The following SHTN1 variants were observed in gnomAD, a reference collection of about 807,000 sequenced individuals.
SHTN1 encodes shootin-1.
Under a neutral mutation model 83.1 loss-of-function variants are expected in SHTN1, and 42 were observed. The observed-to-expected ratio is 0.51, with a 90% CI of 0.39 to 0.65. The LOEUF is 0.65. Among genes scored for constraint, SHTN1 ranks in the 30% least tolerant of loss-of-function variants. The probability of loss-of-function intolerance (pLI) is 0.00; values close to 1 mark genes in which losing one functional copy is unlikely to be tolerated. For missense variants in SHTN1, 622 were observed against 737.8 expected (o/e 0.84, Z 1.82); for synonymous variants, 224 against 247.7 (o/e 0.90, Z 0.90).
At chr10:117,060,563 CAG>C (rs1852884324) in intron 1 of SHTN1, among the ~76,000 whole-genome samples, 1 of 152,128 alleles carries the variant, frequency 6.6e-6, no homozygotes. Context: ...AATTAATAAA[CAG>C]AGCAACTAAA....
chr10:117,098,396 CAAA>C (rs11321262), intron 1 of SHTN1, among the ~76,000 whole-genome samples: 113 of 61,038 alleles, frequency 1.9e-3, no homozygotes, highest in Middle Eastern at 9.1e-3. Flanking sequence ...CACTCCGTCT[CAAA>C]AAAAAAAAAA....
intron 2 of SHTN1, among the ~76,000 whole-genome samples, chr10:116,978,934 T>C (rs1462200351): frequency 1.3e-5 from 2 of 152,228 alleles, no homozygotes; most frequent in Non-Finnish European, 2.9e-5. Context: ...TCAATTCCAC[T>C]GACAGAATCC....
intron 1 of SHTN1, among the ~76,000 whole-genome samples, chr10:117,000,745 T>C (rs940094858): frequency 1.3e-5 from 2 of 152,182 alleles, no homozygotes; most frequent in African/African-American, 4.8e-5. Context: ...TTGCAGGGGC[T>C]GCCAATTAAA....
At chr10:117,061,804 T>C (rs1852908130) in intron 1 of SHTN1, among the ~76,000 whole-genome samples, 2 of 152,268 alleles carry the variant, frequency 1.3e-5, no homozygotes, top group East Asian at 3.9e-4. Context: ...TCACTCCACT[T>C]AGGCTTCTGC....
At chr10:116,901,292 T>C (rs192248751) in intron 16 of SHTN1, 220 of 985,284 alleles carry the variant, frequency 2.2e-4, no homozygotes, top group African/African-American at 8.5e-4. Context: ...ACTCTTTACA[T>C]AGTATGTTTT....
At chr10:116,920,431 C>T (rs1337398616) in intron 12 of SHTN1, among the ~76,000 whole-genome samples, 1 of 152,124 alleles carries the variant, frequency 6.6e-6, no homozygotes, top group Non-Finnish European at 1.5e-5. Flanking sequence ...CTCCAATGAA[C>T]CAGAGTCCTG....
At position 116,983,284 on chromosome 10, in the gene SHTN1, T is replaced by C. The variant is rs549486591; in HGVS notation, c.59-3976A>G. 5.3e-5 allele frequency among the ~76,000 whole-genome samples: 8 copies of C among 152,278 alleles called. No individual in the cohort carries two copies. In the East Asian group the frequency reaches 1.4e-3, roughly 26 times the overall value. ...ACATATAAAAGAGTATTTGGGCTTA[T>C]TAACTGTTTAAAACATGTTAGCTAT... is the stretch of plus-strand genomic sequence containing the variant. On this transcript the variant is annotated intron_variant, in intron 1 of 16. Transcript: ENST00000355371.
intron 16 of SHTN1, among the ~76,000 whole-genome samples, chr10:116,893,576 G>GCACACACACACACACACACACACACACA (rs6144113): frequency 0.057 from 7,002 of 123,436 alleles, 418 homozygotes; most frequent in Middle Eastern, 0.091. Context: ...GCACTCATGT[G>GCACACACACACACACACACACACACACA]CACACACACA....
chr10:116,945,630 C>A (rs1160843112), intron 7 of SHTN1, among the ~76,000 whole-genome samples: 1 of 152,124 alleles, frequency 6.6e-6, no homozygotes, highest in Non-Finnish European at 1.5e-5. Context: ...ACACTTCTTA[C>A]ACCCATCCAA....
intron 16 of SHTN1, among the ~76,000 whole-genome samples, chr10:116,891,041 ACGTG>A (rs1378823466): frequency 6.6e-6 from 1 of 152,214 alleles, no homozygotes; most frequent in East Asian, 1.9e-4. Flanking sequence ...GCCCTAATAG[ACGTG>A]GTTCTGAGCT....
At chr10:116,938,324 G>A (rs1391217573) in intron 9 of SHTN1, among the ~76,000 whole-genome samples, 1 of 152,176 alleles carries the variant, frequency 6.6e-6, no homozygotes, top group Non-Finnish European at 1.5e-5. Flanking sequence ...GGTCTTTGAT[G>A]TTGGTAACCT....
In SHTN1 at chr10:117,094,854, T is replaced by C. The variant is rs1853483304; in HGVS notation, c.-189+31453A>G. On this transcript the variant is annotated intron_variant, in intron 1 of 17. Coordinates refer to the SHTN1 transcript ENST00000392901. Reference sequence around the variant, plus strand: ...TTATTGCATAAATACAATTAACACTTAATCTGAATCTCGATAAGTTACATA... The same window carrying C: ...TTATTGCATAAATACAATTAACACTCAATCTGAATCTCGATAAGTTACATA... 2.6e-5 allele frequency among the ~76,000 whole-genome samples: 4 copies of C among 152,300 alleles called. No homozygotes were observed. The South Asian group carries it at 8.3e-4, about 32-fold the overall frequency.
chr10:117,047,129 A>ATCTCAGC (rs1412443666), intron 2 of SHTN1, among the ~76,000 whole-genome samples: 4 of 152,308 alleles, frequency 2.6e-5, no homozygotes, highest in African/African-American at 9.6e-5. Flanking sequence ...CAGTGGCACG[A>ATCTCAGC]TCTCAGCACA....
chr10:116,889,599 G>C (rs1411866747), intron 16 of SHTN1, among the ~76,000 whole-genome samples: 2 of 152,134 alleles, frequency 1.3e-5, no homozygotes, highest in Non-Finnish European at 2.9e-5. Flanking sequence ...AGAGGGGAAG[G>C]AACTGGCCCG....
intron 1 of SHTN1, among the ~76,000 whole-genome samples, chr10:117,049,211 A>G (rs1050645913): frequency 1.3e-5 from 2 of 152,196 alleles, no homozygotes; most frequent in African/African-American, 4.8e-5. Context: ...AAAACATCCA[A>G]CCACAGCCTT....
intron 1 of SHTN1, among the ~76,000 whole-genome samples, chr10:117,079,089 G>C (rs1317676371): frequency 6.6e-6 from 1 of 151,580 alleles, no homozygotes; most frequent in African/African-American, 2.4e-5. Context: ...CATTGTGCAG[G>C]TTAGTTACAT....
At chr10:117,081,033 T>G (rs1466378070) in intron 1 of SHTN1, among the ~76,000 whole-genome samples, 1 of 152,142 alleles carries the variant, frequency 6.6e-6, no homozygotes, top group Non-Finnish European at 1.5e-5. Flanking sequence ...TATTTCCTTC[T>G]CCCACCTAAT....
At position 116,930,087 on chromosome 10, in the gene SHTN1, C is replaced by T. The variant is rs1848902936; in HGVS notation, c.859-85G>A. Reference sequence around the variant, plus strand: ...AAAGAAAGGGAAAAAATAAATATTTCCCTTTGACTGTACTTCATAGCAAAC... The same window carrying T: ...AAAGAAAGGGAAAAAATAAATATTTTCCTTTGACTGTACTTCATAGCAAAC... On this transcript the variant is annotated intron_variant, in intron 9 of 16. Coordinates refer to ENST00000355371, the MANE Select transcript of SHTN1 (RefSeq NM_001127211.3). The T allele has an allele frequency of 1.0e-5, 9 of 874,728 alleles. No individual in the cohort carries two copies. The East Asian group carries it at 1.3e-4, about 13-fold the overall frequency. 54.2% of individuals were successfully genotyped at this position (874,728 alleles called of 1,614,324 possible).
In SHTN1 at chr10:117,044,979, T is replaced by C. The variant is rs1852640088; in HGVS notation, c.-123+3466A>G. Among the ~76,000 whole-genome samples the C allele has an allele frequency of 2.6e-5, 4 of 152,326 alleles. No individual in the cohort carries two copies. In the South Asian group the frequency reaches 8.3e-4, roughly 32 times the overall value. ...TGCATATATATGCAGAGCAAGTATTTAGATCATCATCAAGCAATTAATATT... is the reference window on the plus strand; with the variant it reads ...TGCATATATATGCAGAGCAAGTATTCAGATCATCATCAAGCAATTAATATT... On this transcript the variant is annotated intron_variant, in intron 2 of 17. Transcript: ENST00000392901.
Sources: gnomAD v4.1 joint callset for allele counts (sites outside exome capture counted in the v4.1 genomes callset) on GRCh38, gnomAD v4.1.1 for gene constraint, MANE v1.5 for transcripts, NCBI Gene and HGNC (gene_info 2026-07-23, HGNC 2026-07-21) for gene names.